The following PRR16 variants were observed in gnomAD, a reference collection of about 807,000 sequenced individuals.
PRR16 encodes the protein proline rich 16.
Under a neutral mutation model 18.2 loss-of-function variants are expected in PRR16, and 6 were observed. The observed-to-expected ratio is 0.33, with a 90% CI of 0.18 to 0.65. The LOEUF (loss-of-function observed/expected upper bound fraction) is 0.65. Ranked by LOEUF, PRR16 falls within the 30% of genes least tolerant of loss-of-function variation. The pLI is 0.74. For missense variants in PRR16, 412 were observed against 376.6 expected (o/e 1.09, Z -0.78); for synonymous variants, 151 against 147.8 (o/e 1.02, Z -0.16).
the PRR16 span, among the ~76,000 whole-genome samples, chr5:120,772,355 T>A: frequency 2.0e-5 from 3 of 152,106 alleles, no homozygotes; most frequent in African/African-American, 7.2e-5. Context: ...ATCTCATCTG[T>A]AATCTTTAAT....
intron 1 of PRR16, among the ~76,000 whole-genome samples, chr5:120,609,742 CAT>C (rs1754275075): frequency 6.6e-6 from 1 of 152,124 alleles, no homozygotes; most frequent in Admixed American, 6.6e-5. Flanking sequence ...GAAAAATAAA[CAT>C]GTCATTTTTA....
chr5:120,492,024 A>G (rs1442800130), intron 1 of PRR16, among the ~76,000 whole-genome samples: 1 of 152,032 alleles, frequency 6.6e-6, no homozygotes, highest in Non-Finnish European at 1.5e-5. Context: ...CAAAATGTAA[A>G]TAGGGTTTGT....
At chr5:120,567,018 C>G (rs370458355) in intron 1 of PRR16, among the ~76,000 whole-genome samples, 1 of 151,870 alleles carries the variant, frequency 6.6e-6, no homozygotes, top group East Asian at 1.9e-4. Flanking sequence ...CAGTTTCAAA[C>G]TAACAGTTTT....
At chr5:120,487,952 A>G (rs371025918) in intron 1 of PRR16, among the ~76,000 whole-genome samples, 1 of 152,110 alleles carries the variant, frequency 6.6e-6, no homozygotes, top group Non-Finnish European at 1.5e-5. Context: ...GATTACGTTT[A>G]TTGATTTGTG....
chr5:120,484,641 A>G (rs1003302653), intron 1 of PRR16, among the ~76,000 whole-genome samples: 21 of 146,726 alleles, frequency 1.4e-4, no homozygotes, highest in Admixed American at 1.2e-3. Flanking sequence ...TATATATAAT[A>G]TATATACACA....
chr5:120,688,045 A>C (rs1224118756), downstream of PRR16, among the ~76,000 whole-genome samples: 2 of 152,194 alleles, frequency 1.3e-5, no homozygotes, highest in Non-Finnish European at 2.9e-5. Context: ...TTATGGCATA[A>C]CTTGATAAAG....
intron 1 of PRR16, among the ~76,000 whole-genome samples, chr5:120,671,396 T>G (rs1043443898): frequency 1.3e-5 from 2 of 152,120 alleles, no homozygotes; most frequent in Non-Finnish European, 2.9e-5. Flanking sequence ...TCCTACCATC[T>G]TACCTTTACA....
chr5:120,709,671 ATTTT>A, the PRR16 span, among the ~76,000 whole-genome samples: 22 of 152,100 alleles, frequency 1.4e-4, no homozygotes, highest in Admixed American at 8.5e-4. Context: ...GGTAACCACC[ATTTT>A]ACTCTCTACC....
At chr5:120,758,763 C>G in the PRR16 span, among the ~76,000 whole-genome samples, 4 of 152,046 alleles carry the variant, frequency 2.6e-5, no homozygotes, top group African/African-American at 7.2e-5. Flanking sequence ...CAATAAACCT[C>G]CTTTGTTTAT....
intron 1 of PRR16, among the ~76,000 whole-genome samples, chr5:120,532,495 A>G (rs752211112): frequency 6.6e-6 from 1 of 152,080 alleles, no homozygotes; most frequent in South Asian, 2.1e-4. Flanking sequence ...AATTAATTAG[A>G]ATAATATTTG....
At chr5:120,553,656 T>C (rs182254747) in intron 1 of PRR16, among the ~76,000 whole-genome samples, 2 of 151,984 alleles carry the variant, frequency 1.3e-5, no homozygotes, top group East Asian at 3.9e-4. Context: ...TTCAAAGCAA[T>C]ATGTAATATG....
chr5:120,784,627 A>G, the PRR16 span, among the ~76,000 whole-genome samples: 1 of 152,220 alleles, frequency 6.6e-6, no homozygotes, highest in East Asian at 1.9e-4. Flanking sequence ...AAAAATGGGC[A>G]AGAGATCGGA....
the PRR16 span, among the ~76,000 whole-genome samples, chr5:120,734,335 CTCTG>C: frequency 1.1e-4 from 16 of 151,948 alleles, no homozygotes; most frequent in Non-Finnish European, 2.1e-4. Context: ...CTCTCTCTCT[CTCTG>C]TGTGTGTGTG....
At chr5:120,552,613 A>T (rs1752288245) in intron 1 of PRR16, among the ~76,000 whole-genome samples, 3 of 151,970 alleles carry the variant, frequency 2.0e-5, no homozygotes, top group African/African-American at 7.2e-5. Flanking sequence ...GTTTTAGAAC[A>T]TTCTTGTCAA....
intron 1 of PRR16, among the ~76,000 whole-genome samples, chr5:120,512,364 G>A (rs1168849614): frequency 1.3e-5 from 2 of 152,138 alleles, no homozygotes; most frequent in Non-Finnish European, 2.9e-5. Context: ...CTCCTAGCTA[G>A]AAAAGTCAGC....
intron 1 of PRR16, among the ~76,000 whole-genome samples, chr5:120,677,039 T>A (rs888131647): frequency 3.9e-5 from 6 of 152,244 alleles, no homozygotes; most frequent in African/African-American, 1.4e-4. Context: ...AATATAATTT[T>A]ACCTTTCAGA....
At chr5:120,647,138 A>G (rs913968029) in intron 1 of PRR16, among the ~76,000 whole-genome samples, 1 of 152,006 alleles carries the variant, frequency 6.6e-6, no homozygotes, top group Admixed American at 6.6e-5. Context: ...AAAGGAGTCT[A>G]TGATTAAGGA....
At chr5:120,469,925 C>G (rs1749214712) in intron 1 of PRR16, among the ~76,000 whole-genome samples, 1 of 152,056 alleles carries the variant, frequency 6.6e-6, no homozygotes, top group African/African-American at 2.4e-5. Context: ...ATTCAAGCAG[C>G]CTTAAAGTAA....
At chr5:120,527,196 TAACA>T (rs1201220566) in intron 1 of PRR16, among the ~76,000 whole-genome samples, 1 of 152,204 alleles carries the variant, frequency 6.6e-6, no homozygotes, top group African/African-American at 2.4e-5. Flanking sequence ...AATATTTGTA[TAACA>T]AACAAATTTC....
Sources: allele counts gnomAD v4.1 joint callset (sites outside exome capture counted in the v4.1 genomes callset), GRCh38; gene constraint gnomAD v4.1.1; transcripts MANE v1.5; gene names NCBI Gene and HGNC (gene_info 2026-07-23, HGNC 2026-07-21).